MDN1: variants seen among roughly 807,000 people sequenced by gnomAD.
MDN1 encodes midasin AAA ATPase 1.
Under a neutral mutation model 669.2 loss-of-function variants are expected in MDN1, and 266 were observed. The observed-to-expected ratio is 0.40, with a 90% confidence interval of 0.36 to 0.44. MDN1 has a LOEUF of 0.44. Ranked by LOEUF, MDN1 falls within the 20% of genes least tolerant of loss-of-function variation. MDN1 has a pLI of 1.00. For missense variants in MDN1, 5,940 were observed against 6,754.0 expected, an observed-to-expected ratio of 0.88 and a Z score of 4.22; for synonymous variants, 2,385 against 2,457.1, an observed-to-expected ratio of 0.97 and a Z score of 0.87.
At chr6:89,765,122 G>C (rs1051045296) in intron 15 of MDN1, among the ~76,000 whole-genome samples, 1 of 152,136 alleles carries the variant, frequency 6.6e-6, no homozygotes, top group African/African-American at 2.4e-5. Flanking sequence ...GCCAGGCATA[G>C]TGGCGGGCGC....
At position 89,819,651 on chromosome 6, in the gene MDN1, T is replaced by A; in HGVS notation, c.-44A>T. On this transcript the variant is annotated 5_prime_UTR_variant, in exon 1 of 102. Coordinates refer to ENST00000369393, the MANE Select transcript of MDN1 (RefSeq NM_014611.3). Reference sequence around the variant, plus strand: ...CGAGCGGCCACCTGCGCTCCCTACTTCGCGGCCAGCGTCCCCAAGCCGCCG... The same window carrying A: ...CGAGCGGCCACCTGCGCTCCCTACTACGCGGCCAGCGTCCCCAAGCCGCCG... 1 of 1,550,840 alleles carries A rather than the reference T, an allele frequency of 6.4e-7. No homozygotes were observed. Among genetic ancestry groups the A allele is most frequent in the Non-Finnish European group, 8.8e-7 (1 of 1,136,702 alleles).
chr6:89,722,867 A>AAT, intron 40 of MDN1, 88 bp downstream of exon 40: 1 of 1,030,002 alleles, frequency 9.7e-7, no homozygotes, highest in Non-Finnish European at 1.4e-6. Context: ...AAAAAAAAAA[A>AAT]GGCTTGCAAT....
Position 89,692,496 on chromosome 6 carries a change from A to G in MDN1, c.10534T>C (p.Cys3512Arg). The G allele has an allele frequency of 6.2e-7, 1 of 1,614,198 alleles. No homozygotes were observed. Among genetic ancestry groups the G allele is most frequent in the Non-Finnish European group, 8.5e-7 (1 of 1,180,014 alleles). ...ALLYLRSHVL[C>R]KGELDQRALQ... ...GCCCTCTGGTCCAACTCTCCCTTGC[A>G]TAACACGTGGGAGCGCAGGTAAAGG... Residue 3512 changes from cysteine (C) to arginine (R), a missense_variant, in exon 63 of 102, where the codon TGC becomes CGC. Cys to Arg is a radical substitution (Grantham distance 180). This residue lies in a region of MDN1 where 2,280 missense variants were observed against 2,576.3 expected (regional missense o/e 0.88). Transcript: ENST00000369393.
At position 89,712,804 on chromosome 6, in the gene MDN1, C is replaced by T. The variant is rs1248073639; in HGVS notation, c.7219-18G>A. 6.2e-7 allele frequency: 1 copy of T among 1,605,578 alleles called. No homozygotes were observed. The highest frequency in any genetic ancestry group is 8.5e-7 in the Non-Finnish European group (1 of 1,172,516). On this transcript the variant is annotated intron_variant, in intron 47 of 101. Transcript: ENST00000369393. ...TGTACAAGCTGGTAGGAGACAAAAACACAATACAGTGGTACCAACATAAAA... is the reference window on the plus strand; with the variant it reads ...TGTACAAGCTGGTAGGAGACAAAAATACAATACAGTGGTACCAACATAAAA...
In MDN1 at chr6:89,700,294, T is replaced by A. The variant is rs753658447; in HGVS notation, c.8639A>T (p.Asp2880Val). The A allele has an allele frequency of 6.2e-7, 1 of 1,612,220 alleles. No individual in the cohort carries two copies. Among genetic ancestry groups the A allele is most frequent in the Admixed American group, 1.7e-5 (1 of 60,018 alleles). ...RANILEDVSL[D>V]ELKNFVHAQC... ...AGCATGCACAAAATTCTTCAATTCA[T>A]CTGGACAAAAAGACAAATGTTGTAT... The change falls in exon 57 of 102, where the codon GAT becomes GTT. Residue 2880 changes from aspartate to valine, a missense_variant and splice_region_variant. Physicochemically the swap from Asp to Val is radical, Grantham distance 152 (BLOSUM62 -3). Coordinates refer to ENST00000369393, the MANE Select transcript of MDN1 (RefSeq NM_014611.3).
intron 1 of MDN1, among the ~76,000 whole-genome samples, chr6:89,813,309 G>A (rs987709682): frequency 5.9e-5 from 9 of 151,722 alleles, no homozygotes; most frequent in African/African-American, 2.2e-4. Flanking sequence ...CAGCACTTCG[G>A]GAGACCGAGG....
At chr6:89,778,713 T>G (rs772403039) in intron 11 of MDN1, among the ~76,000 whole-genome samples, 16 of 151,292 alleles carry the variant, frequency 1.1e-4, no homozygotes, top group Non-Finnish European at 1.2e-4. Flanking sequence ...TGAAACCCCA[T>G]CTCTACTAAA....
Position 89,673,284 on chromosome 6 carries a change from C to T in MDN1, c.13426G>A (p.Asp4476Asn). ...VRGEISKAMA[D>N]FTTWKTHLLT... ...AGATGGGTCTTCCAGGTAGTAAAGT[C>T]AGCCATGGCTTTACTAATTTCTCCT... The change falls in exon 80 of 102, where the codon GAC (aspartate) becomes AAC (asparagine). Residue 4476 changes from aspartate (D) to asparagine (N), a missense_variant. Asp to Asn is a conservative substitution (Grantham distance 23). Transcript: ENST00000369393. 6.2e-7 allele frequency: 1 copy of T among 1,614,192 alleles called. No homozygotes were observed. The highest frequency in any genetic ancestry group is 8.5e-7 in the Non-Finnish European group (1 of 1,180,034).
At chr6:89,774,451 T>C (rs1818253330) in intron 13 of MDN1, among the ~76,000 whole-genome samples, 170 bp downstream of exon 13, 1 of 152,230 alleles carries the variant, frequency 6.6e-6, no homozygotes, top group Non-Finnish European at 1.5e-5. Context: ...CCTATTGATA[T>C]CTAATTTCAC....
chr6:89,778,632 A>G (rs1270057440), intron 11 of MDN1, among the ~76,000 whole-genome samples: 1 of 151,808 alleles, frequency 6.6e-6, no homozygotes, highest in Non-Finnish European at 1.5e-5. Flanking sequence ...CACCTGTAAT[A>G]CCAGCACTTT....
At chr6:89,800,500 G>A (rs1767567575) in intron 2 of MDN1, among the ~76,000 whole-genome samples, 1 of 152,160 alleles carries the variant, frequency 6.6e-6, no homozygotes, top group African/African-American at 2.4e-5. Context: ...AAATGGAGGT[G>A]CTGAGAGGGT....
intron 32 of MDN1, among the ~76,000 whole-genome samples, chr6:89,738,778 C>T (rs1230409862): frequency 6.6e-6 from 1 of 152,150 alleles, no homozygotes; most frequent in Admixed American, 6.5e-5. Context: ...TTTTACTTTA[C>T]CTTTACTTTG....
chr6:89,781,827 A>C (rs1490145929), intron 9 of MDN1, among the ~76,000 whole-genome samples: 1 of 152,116 alleles, frequency 6.6e-6, no homozygotes, highest in Non-Finnish European at 1.5e-5. Context: ...TCATCTCTAC[A>C]AAAAATACAA....
rs146590265 is a variant in MDN1, at chr6:89,656,638, G to A, written c.15285+62C>T. On this transcript the variant is annotated intron_variant, in intron 91 of 101. Coordinates refer to ENST00000369393, the MANE Select transcript of MDN1 (RefSeq NM_014611.3). The stretch of plus-strand genomic sequence containing the variant: ...TTTTTTTTTTTTTTTAAAGCACTAC[G>A]TTTGGAACATCTTTTTCTACATGCT... 789 of 1,084,602 alleles carry A rather than the reference G, an allele frequency of 7.3e-4. 6 individuals are homozygous for A. The African/African-American group carries it at 0.011, about 15-fold the overall frequency. 67.2% of individuals were successfully genotyped at this position (1,084,602 alleles called of 1,614,324 possible). A position where few individuals can be genotyped will look rare whatever the true frequency, so the allele number is the denominator to read the frequency against.
At chr6:89,708,748 A>G in intron 50 of MDN1, 120 bp from the exon 51 acceptor site, 1 of 1,059,576 alleles carries the variant, frequency 9.4e-7, no homozygotes, top group Non-Finnish European at 1.4e-6. Context: ...GATGGGGAAG[A>G]GGTTGAACCA....
intron 2 of MDN1, among the ~76,000 whole-genome samples, chr6:89,802,098 A>G (rs1439960079): frequency 6.6e-6 from 1 of 152,248 alleles, no homozygotes; most frequent in Non-Finnish European, 1.5e-5. Flanking sequence ...AAAAAACTGG[A>G]TAATTTTTTA....
At chr6:89,701,775 A>G in intron 54 of MDN1, 97 bp from the exon 55 acceptor site, 1 of 1,524,770 alleles carries the variant, frequency 6.6e-7, no homozygotes, top group Non-Finnish European at 8.8e-7. Context: ...CTTTCTTTTA[A>G]TTGTACATTC....
At chr6:89,682,401 G>A (rs1190243621) in intron 73 of MDN1, among the ~76,000 whole-genome samples, 1 of 152,170 alleles carries the variant, frequency 6.6e-6, no homozygotes, top group Non-Finnish European at 1.5e-5. Context: ...GCCGAGGCAG[G>A]GAGGATCACT....
chr6:89,728,625 G>A (rs963076942), intron 36 of MDN1, among the ~76,000 whole-genome samples: 1 of 152,156 alleles, frequency 6.6e-6, no homozygotes, highest in Admixed American at 6.5e-5. Flanking sequence ...GACATAAGGA[G>A]TTTGAGACCA....
Sources: gnomAD v4.1 joint callset for allele counts (sites outside exome capture counted in the v4.1 genomes callset) on GRCh38, gnomAD v4.1.1 for gene constraint, gnomAD v4.1.1 regional missense constraint, MANE v1.5 for transcripts, NCBI Gene and HGNC (gene_info 2026-07-23, HGNC 2026-07-21) for gene names.